DGKQ: variants seen among roughly 807,000 people sequenced by gnomAD.
DGKQ encodes DAG kinase theta.
DGKQ carries 97 observed loss-of-function variants against 104.2 expected under a neutral mutation model. That is an observed-to-expected ratio of 0.93 (90% CI 0.79 to 1.10). The LOEUF (loss-of-function observed/expected upper bound fraction) is 1.10, where lower values mean the gene tolerates loss of function less well. Ranked by LOEUF, DGKQ falls within the 50% of genes least tolerant of loss-of-function variation. The pLI is 0.00. For missense variants in DGKQ, 1,465 were observed against 1,352.1 expected, an observed-to-expected ratio of 1.08 and a Z score of -1.31; for synonymous variants, 736 against 595.2, an observed-to-expected ratio of 1.24 and a Z score of -3.44.
At chr4:964,532 G>T (rs1280189540) in intron 15 of DGKQ, among the ~76,000 whole-genome samples, 1 of 124,606 alleles carries the variant, frequency 8.0e-6, no homozygotes. Context: ...CCAGACCCCC[G>T]TTCCCCCCGG....
intron 11 of DGKQ, 41 bp from the exon 12 acceptor site, chr4:966,568 C>T (rs374494251): frequency 4.8e-5 from 77 of 1,595,108 alleles, no homozygotes; most frequent in Middle Eastern, 1.7e-4. Flanking sequence ...CCCGGCTCCT[C>T]GCCCACCTTG....
At position 963,096 on chromosome 4, in the gene DGKQ, C is replaced by T. The variant is rs746304864; in HGVS notation, c.1886+43G>A. ...TGTGGCAGCCTCCTGGGGCCCTTCC[C>T]GCCCCTGCTGCTGCCCTGGACCAGG... On this transcript the variant is annotated intron_variant, in intron 16 of 22. Transcript: ENST00000273814. 2.1e-5 allele frequency: 33 copies of T among 1,558,246 alleles called. No individual in the cohort carries two copies. In the Admixed American group the frequency reaches 2.4e-4, roughly 11 times the overall value.
intron 12 of DGKQ, 151 bp downstream of exon 12, chr4:966,315 G>A (rs889640910): frequency 5.4e-6 from 5 of 921,474 alleles, no homozygotes; most frequent in Non-Finnish European, 6.6e-6. Context: ...CAGGGACCAA[G>A]TAGCTCATGA....
chr4:968,331 C>A lies in DGKQ; in HGVS notation c.614G>T (p.Gly205Val). Reference protein sequence around the residue: ...ARCEVCRKTCGSSDVLAGVRC... With the variant: ...ARCEVCRKTCVSSDVLAGVRC... ...CACGCCGGCCAGCACGTCAGAGGAG[C>A]CGCACGTCTTCCTGCAGACCTCGCA... Residue 205 changes from glycine to valine, a missense_variant, in exon 5 of 23, where the codon GGC becomes GTC. Physicochemically the swap from Gly to Val is moderately radical, Grantham distance 109. Coordinates refer to ENST00000273814, the MANE Select transcript of DGKQ (RefSeq NM_001347.4). 1 of 1,401,274 alleles carries A rather than the reference C, an allele frequency of 7.1e-7. No individual in the cohort carries two copies. Among genetic ancestry groups the A allele is most frequent in the Non-Finnish European group, 9.3e-7 (1 of 1,072,712 alleles). 86.8% of individuals were successfully genotyped at this position (1,401,274 alleles called of 1,614,324 possible).
At chr4:968,096 A>T in intron 5 of DGKQ, 69 bp from the exon 6 acceptor site, 1 of 1,135,500 alleles carries the variant, frequency 8.8e-7, no homozygotes, top group African/African-American at 1.8e-5. Context: ...CGCCAGGTCC[A>T]GGGAAAGACC....
intron 2 of DGKQ, among the ~76,000 whole-genome samples, chr4:969,890 C>A (rs918624148): frequency 2.6e-5 from 4 of 152,244 alleles, no homozygotes; most frequent in Non-Finnish European, 5.9e-5. Context: ...GGATTACGGG[C>A]GTGAGCCACA....
chr4:966,051 G>T lies in DGKQ; in HGVS notation c.1456C>A (p.Arg486=). The T allele has an allele frequency of 1.2e-6, 2 of 1,603,412 alleles. No individual in the cohort carries two copies. The highest frequency in any genetic ancestry group is 2.2e-5 in the South Asian group (2 of 88,988). The stretch of plus-strand genomic sequence containing the variant: ...TCCCTGCTCTCTGCCACGTAGAACC[G>T]CGTCTGGCTCACCTGCCGCACAGAC... The part of the protein sequence containing the change: ...QMSVRQVSQT[R]FYVAESRDVA... Residue 486 remains arginine, a synonymous_variant, in exon 13 of 23, where the codon CGG becomes AGG. Transcript: ENST00000273814.
Position 973,138 on chromosome 4 carries a change from A to G in DGKQ, c.271+74T>C, listed in dbSNP as rs1312227588. 1.0e-5 allele frequency: 14 copies of G among 1,361,194 alleles called. No homozygotes were observed. The Admixed American group carries it at 1.1e-4, about 10-fold the overall frequency. The allele number at this position is 1,361,194 out of a possible 1,614,324, so 84.3% of individuals were successfully genotyped here. A position where few individuals can be genotyped will look rare whatever the true frequency, so the allele number is the denominator to read the frequency against. On this transcript the variant is annotated intron_variant, in intron 1 of 22. Coordinates refer to ENST00000273814, the MANE Select transcript of DGKQ (RefSeq NM_001347.4). Reference sequence around the variant, plus strand: ...CCACTCCCCCGAAAGCGCCGGTGCCACCTCCGCTCAGGCTCCCGCCCACGG... The same window carrying G: ...CCACTCCCCCGAAAGCGCCGGTGCCGCCTCCGCTCAGGCTCCCGCCCACGG...
intron 6 of DGKQ, 32 bp from the exon 7 acceptor site, chr4:967,834 G>T: frequency 3.2e-6 from 5 of 1,553,026 alleles, no homozygotes; most frequent in Non-Finnish European, 3.5e-6. Flanking sequence ...CCCTCATTCA[G>T]TGCGCAGCCC....
At chr4:968,598 C>T (rs746341199) in intron 3 of DGKQ, 34 bp from the exon 4 acceptor site, 10 of 1,557,068 alleles carry the variant, frequency 6.4e-6, no homozygotes, top group Non-Finnish European at 8.7e-6. Context: ...GTGTCTGCCG[C>T]CCCCGGAGGA....
chr4:962,842 G>A lies in DGKQ; in HGVS notation c.1965C>T (p.Gly655=), dbSNP rs142882285. 44 of 1,606,412 alleles carry A rather than the reference G, an allele frequency of 2.7e-5. No individual in the cohort carries two copies. The Admixed American group carries it at 3.4e-4, about 12-fold the overall frequency. ...GGDGTVGWVL[G]ALEETRYRLA... is the part of the protein sequence containing the mutation. ...GTCGGTACCGTGTCTCCTCCAGGGC[G>A]CCAAGCACCCAGCCCACAGTGCCAT... Residue 655 remains glycine, a synonymous_variant, in exon 17 of 23, where the codon GGC becomes GGT. Coordinates refer to ENST00000273814, the MANE Select transcript of DGKQ (RefSeq NM_001347.4).
rs760056995 is a variant in DGKQ at position 961,139 on chromosome 4, G to C, written c.2637C>G (p.Val879=). The C allele has an allele frequency of 6.2e-7, 1 of 1,607,266 alleles. No homozygotes were observed. ...GCACCGGGGTGGCCTTGAGGAGCGT[G>C]ACTCGGAAGTAGGAACCCTGGGCAA... ...IRIAQGSYFR[V]TLLKATPVQV... The change falls in exon 22 of 23, where the codon GTC becomes GTG. Residue 879 remains valine (V), a synonymous_variant. Coordinates refer to ENST00000273814, the MANE Select transcript of DGKQ (RefSeq NM_001347.4).
chr4:963,372 C>G lies in DGKQ; in HGVS notation c.1735-82G>C, dbSNP rs1712041468. The G allele has an allele frequency of 2.2e-6, 3 of 1,365,798 alleles. No homozygotes were observed. In the East Asian group the frequency reaches 7.2e-5, roughly 33 times the overall value. The allele number at this position is 1,365,798 out of a possible 1,614,324, so 84.6% of individuals were successfully genotyped here. On this transcript the variant is annotated intron_variant, in intron 15 of 22. Transcript: ENST00000273814. ...TGGGGTTGCCAGGCAGTGCCCAGCC[C>G]CCAACCCTGAGCCCACCTGGCTTGG... is the stretch of plus-strand genomic sequence containing the variant.
At position 968,313 on chromosome 4, in the gene DGKQ, G is replaced by C; in HGVS notation, c.632C>G (p.Ala211Gly). 1 of 1,181,892 alleles carries C rather than the reference G, an allele frequency of 8.5e-7. No individual in the cohort carries two copies. The highest frequency in any genetic ancestry group is 1.1e-6 in the Non-Finnish European group (1 of 939,326). 73.2% of individuals were successfully genotyped at this position (1,181,892 alleles called of 1,614,324 possible). The change falls in exon 5 of 23, where the codon GCC (alanine) becomes GGC (glycine). Residue 211 changes from alanine (A) to glycine (G), a missense_variant. Physicochemically the swap from Ala to Gly is moderately conservative, Grantham distance 60. Coordinates refer to ENST00000273814, the MANE Select transcript of DGKQ (RefSeq NM_001347.4). ...CCCGCACCACTCGCAGCGCACGCCG[G>C]CCAGCACGTCAGAGGAGCCGCACGT... Reference protein sequence around the residue: ...RKTCGSSDVLAGVRCEWCGVQ... With the variant: ...RKTCGSSDVLGGVRCEWCGVQ...
chr4:973,084 T>C, intron 1 of DGKQ, 128 bp downstream of exon 1: 2 of 1,278,084 alleles, frequency 1.6e-6, no homozygotes, highest in Non-Finnish European at 9.9e-7. Flanking sequence ...CGAAGGCACG[T>C]CCCGCGAGCA....
Position 962,559 on chromosome 4 carries a change from G to A in DGKQ, c.2090C>T (p.Pro697Leu), listed in dbSNP as rs572192542. Residue 697 changes from proline to leucine, a missense_variant, in exon 18 of 23, where the codon CCG (proline) becomes CTG (leucine). Pro to Leu is a moderately conservative substitution (Grantham distance 98). Transcript: ENST00000273814. ...RWGAGYSGEDPFSVLLSVDEA... is the reference protein window; with the variant it reads ...RWGAGYSGEDLFSVLLSVDEA... ...GTCCACAGACAGCAGTACGGAGAAC[G>A]GGTCCTCGCCGCTGTAGCCCGCCCC... 1.5e-5 allele frequency: 24 copies of A among 1,610,092 alleles called. No homozygotes were observed. The highest frequency in any genetic ancestry group is 5.5e-5 in the South Asian group (5 of 91,082).
rs200459309 is a variant in DGKQ, at chr4:961,517, T to C, written c.2524A>G (p.Met842Val). ...ACAACCTCCAGCAGCCCGTCGTCCA[T>C]GCGTGGCTTCTCAAACCTGGTGTCG... ...DSDTRFEKPR[M>V]DDGLLEVVGV... is the part of the protein sequence containing the mutation. The change falls in exon 21 of 23, where the codon ATG becomes GTG. Residue 842 changes from methionine (M) to valine (V), a missense_variant. Physicochemically the swap from Met to Val is conservative, Grantham distance 21. Transcript: ENST00000273814. The C allele has an allele frequency of 2.7e-5, 43 of 1,609,120 alleles. No individual in the cohort carries two copies. The highest frequency in any genetic ancestry group is 1.7e-4 in the Middle Eastern group (1 of 5,850).
Position 966,859 on chromosome 4 carries a change from C to T in DGKQ, c.1312-57G>A, listed in dbSNP as rs1254588455. ...GCAGGCCCCCACCACCTCAGGACAC[C>T]CGCGGGGACAGCCACGCCTGGGCTG... On this transcript the variant is annotated intron_variant, in intron 10 of 22. Coordinates refer to ENST00000273814, the MANE Select transcript of DGKQ (RefSeq NM_001347.4). The T allele has an allele frequency of 8.9e-6, 14 of 1,574,544 alleles. 1 individual carries two copies. Among genetic ancestry groups the T allele is most frequent in the South Asian group, 3.5e-5 (3 of 86,854 alleles).
rs553249353 is a variant in DGKQ, at chr4:960,244, C to T, written c.*376G>A. On this transcript the variant is annotated 3_prime_UTR_variant, in exon 23 of 23. Coordinates refer to ENST00000273814, the MANE Select transcript of DGKQ (RefSeq NM_001347.4). Reference sequence around the variant, plus strand: ...CAAAGTGAGATCAGACCCACCTGGACGGCCTGCATCCAGCACTGTCCAGCT... The same window carrying T: ...CAAAGTGAGATCAGACCCACCTGGATGGCCTGCATCCAGCACTGTCCAGCT... 98 of 241,878 alleles carry T rather than the reference C, an allele frequency of 4.1e-4. No homozygotes were observed. In the East Asian group the frequency reaches 6.3e-3, roughly 16 times the overall value. 15.0% of individuals were successfully genotyped at this position (241,878 alleles called of 1,614,324 possible).
Sources: allele counts gnomAD v4.1 joint callset (sites outside exome capture counted in the v4.1 genomes callset), GRCh38; gene constraint gnomAD v4.1.1; transcripts MANE v1.5; gene names NCBI Gene and HGNC (gene_info 2026-07-23, HGNC 2026-07-21).